PLIN3: variants seen among roughly 807,000 people sequenced by gnomAD.
PLIN3 encodes the protein perilipin 3, also known as perilipin-3.
Under a neutral mutation model 35.9 loss-of-function variants are expected in PLIN3, and 30 were observed. The ratio of observed to expected loss-of-function variants is 0.84; its 90% CI spans 0.62 to 1.13. PLIN3 has a LOEUF of 1.13. Among genes scored for constraint, PLIN3 ranks in the 50% most tolerant of loss-of-function variants. PLIN3 has a pLI of 0.00. For missense variants in PLIN3, 603 were observed against 596.9 expected (o/e 1.01, Z -0.11); for synonymous variants, 261 against 262.5 (o/e 0.99, Z 0.06).
Position 4,839,163 on chromosome 19 carries a change from CG to C in PLIN3, c.*28del. The C allele has an allele frequency of 6.5e-7, 1 of 1,545,624 alleles. No individual in the cohort carries two copies. On this transcript the variant is annotated 3_prime_UTR_variant, in exon 8 of 8. Transcript: ENST00000221957. Reference sequence around the variant, plus strand: ...CCAGAGCACAGCTGCATTATAGAGACGGGGCCCGCTGAGTCCTCTCCTCTCC... The same window carrying C: ...CCAGAGCACAGCTGCATTATAGAGACGGGCCCGCTGAGTCCTCTCCTCTCC...
chr19:4,856,738 T>C (rs1400982063), intron 4 of PLIN3, among the ~76,000 whole-genome samples: 2 of 147,366 alleles, frequency 1.4e-5, no homozygotes, highest in Admixed American at 1.4e-4. Context: ...AGAGCCTTGC[T>C]CTGTTGCCCA....
intron 7 of PLIN3, among the ~76,000 whole-genome samples, chr19:4,840,093 G>A (rs905868205): frequency 5.4e-5 from 8 of 148,490 alleles, no homozygotes; most frequent in African/African-American, 1.5e-4. Flanking sequence ...TCAGCCTCCC[G>A]AATAGCTAGG....
chr19:4,849,886 T>G (rs1336109578), intron 5 of PLIN3, among the ~76,000 whole-genome samples: 1 of 151,612 alleles, frequency 6.6e-6, no homozygotes, highest in Non-Finnish European at 1.5e-5. Flanking sequence ...CTCCTGACCA[T>G]GTGATCCAGC....
intron 5 of PLIN3, among the ~76,000 whole-genome samples, chr19:4,849,860 C>T (rs529919660): frequency 6.6e-6 from 1 of 151,740 alleles, no homozygotes; most frequent in Non-Finnish European, 1.5e-5. Flanking sequence ...ACCATGTTGG[C>T]CAGGCTGGTC....
At chr19:4,850,140 T>C (rs1241233449) in intron 5 of PLIN3, among the ~76,000 whole-genome samples, 1 of 151,610 alleles carries the variant, frequency 6.6e-6, no homozygotes, top group African/African-American at 2.4e-5. Context: ...GAGATAGGGT[T>C]TCTTTATGTT....
At position 4,859,941 on chromosome 19, in the gene PLIN3, C is replaced by T. The variant is rs201566645; in HGVS notation, c.150G>A (p.Lys50=). 9.3e-6 allele frequency: 15 copies of T among 1,613,984 alleles called. No individual in the cohort carries two copies. In the Admixed American group the frequency reaches 1.8e-4, roughly 20 times the overall value. ...CAGTCTTGATGTGCGGGTAGCTCTC[C>T]TTGGTGGAGGCATAGGCTGCGGACA... ...DMVSAAYAST[K]ESYPHIKTVC... The change falls in exon 3 of 8, where the codon AAG becomes AAA. Residue 50 remains lysine (K), a synonymous_variant. Transcript: ENST00000221957.
In PLIN3 at chr19:4,859,962, G is replaced by A. The variant is rs773053228; in HGVS notation, c.129C>T (p.Ser43=). The change falls in exon 3 of 8, where the codon TCC becomes TCT. Residue 43 remains serine (S), a synonymous_variant. Transcript: ENST00000221957. ...TCTCCTTGGTGGAGGCATAGGCTGCGGACACCATGTCGCAGGTGGAGCTGA... is the reference window on the plus strand; with the variant it reads ...TCTCCTTGGTGGAGGCATAGGCTGCAGACACCATGTCGCAGGTGGAGCTGA... ...PLISSTCDMV[S]AAYASTKESY... 6.8e-6 allele frequency: 11 copies of A among 1,613,970 alleles called. No individual in the cohort carries two copies. In the African/African-American group the frequency reaches 1.1e-4, roughly 16 times the overall value.
intron 4 of PLIN3, among the ~76,000 whole-genome samples, chr19:4,855,249 G>GAAAAAAAAAAAAAAAAA (rs377681525): frequency 2.7e-5 from 1 of 36,410 alleles, no homozygotes; most frequent in African/African-American, 9.5e-5. Flanking sequence ...GACTCCATCT[G>GAAAAAAAAAAAAAAAAA]AAAAAAAAAA....
intron 4 of PLIN3, among the ~76,000 whole-genome samples, chr19:4,858,371 G>T (rs1267017138): frequency 1.3e-5 from 2 of 151,402 alleles, no homozygotes; most frequent in Non-Finnish European, 2.9e-5. Flanking sequence ...TTGGAACATG[G>T]TGTTTTTTTT....
chr19:4,849,773 C>T (rs923333237), intron 5 of PLIN3, among the ~76,000 whole-genome samples: 56 of 152,022 alleles, frequency 3.7e-4, no homozygotes, highest in Non-Finnish European at 4.7e-4. Flanking sequence ...CTGCCTTAGC[C>T]TCCTGAGTAG....
chr19:4,856,704 T>A (rs1404342964), intron 4 of PLIN3, among the ~76,000 whole-genome samples: 1 of 136,858 alleles, frequency 7.3e-6, no homozygotes, highest in Admixed American at 7.3e-5. Flanking sequence ...TGAAGGAGGG[T>A]GTTTTTTTTT....
At chr19:4,848,913 A>C (rs1177773424) in intron 5 of PLIN3, among the ~76,000 whole-genome samples, 6 of 152,162 alleles carry the variant, frequency 3.9e-5, no homozygotes. Flanking sequence ...GACTGCATAT[A>C]CTACAGTGGT....
At chr19:4,843,526 T>TAAA (rs2029980741) in intron 7 of PLIN3, among the ~76,000 whole-genome samples, 1 of 149,682 alleles carries the variant, frequency 6.7e-6, no homozygotes, top group South Asian at 2.1e-4. Context: ...AATAAATAAA[T>TAAA]AAATAAATAA....
chr19:4,857,525 C>T (rs2030513468), intron 4 of PLIN3, among the ~76,000 whole-genome samples: 1 of 151,962 alleles, frequency 6.6e-6, no homozygotes, highest in South Asian at 2.1e-4. Flanking sequence ...GCCATGATCA[C>T]ACTACTGCAC....
Position 4,847,850 on chromosome 19 carries a change from G to A in PLIN3, c.675C>T (p.Ser225=), listed in dbSNP as rs900250063. ...TCTGTTCCTGCCGCTGCTGCTGCAC[G>A]GACGCGACGTCAAAGCCATCCAGGG... The part of the protein sequence containing the change: ...ATSLDGFDVA[S]VQQQRQEQSY... The change falls in exon 6 of 8, where the codon TCC becomes TCT. Residue 225 remains serine, a synonymous_variant. Transcript: ENST00000221957. 45 of 1,613,780 alleles carry A rather than the reference G, an allele frequency of 2.8e-5. No homozygotes were observed. The highest frequency in any genetic ancestry group is 1.6e-4 in the Middle Eastern group (1 of 6,082).
chr19:4,859,849 A>G lies in PLIN3; in HGVS notation c.242T>C (p.Ile81Thr), dbSNP rs1292454675. The G allele has an allele frequency of 6.2e-7, 1 of 1,613,112 alleles. No homozygotes were observed. Among genetic ancestry groups the G allele is most frequent in the Non-Finnish European group, 8.5e-7 (1 of 1,179,968 alleles). Residue 81 changes from isoleucine (I) to threonine (T), a missense_variant, in exon 3 of 8, where the codon ATC (isoleucine) becomes ACC (threonine). Physicochemically the swap from Ile to Thr is moderately conservative, Grantham distance 89. Coordinates refer to ENST00000221957, the MANE Select transcript of PLIN3 (RefSeq NM_005817.5). ...ACTCTGGGGCTCCAGCTTGGAGAGG[A>G]TCGGCTGAGCCCCGCTGACAGCAGC... ...TAAAVSGAQP[I>T]LSKLEPQIAS...
chr19:4,858,962 A>C (rs911103951), intron 4 of PLIN3, among the ~76,000 whole-genome samples: 1 of 151,512 alleles, frequency 6.6e-6, no homozygotes, highest in Non-Finnish European at 1.5e-5. Flanking sequence ...TTGGCCTCCC[A>C]AAGTGCTGGG....
intron 7 of PLIN3, among the ~76,000 whole-genome samples, chr19:4,841,936 A>G (rs2029906217): frequency 6.6e-6 from 1 of 150,894 alleles, no homozygotes; most frequent in Admixed American, 6.6e-5. Context: ...AGAAAAAAAA[A>G]AGCTGTTAAA....
At chr19:4,843,314 G>GC (rs1461296215) in intron 7 of PLIN3, among the ~76,000 whole-genome samples, 75 of 152,018 alleles carry the variant, frequency 4.9e-4, no homozygotes, top group Admixed American at 3.6e-3. Context: ...AGACCATCCC[G>GC]GGTAACACGG....
Sources: allele counts gnomAD v4.1 joint callset (sites outside exome capture counted in the v4.1 genomes callset), GRCh38; gene constraint gnomAD v4.1.1; transcripts MANE v1.5; gene names NCBI Gene and HGNC (gene_info 2026-07-23, HGNC 2026-07-21).